The following ZAN variants were observed in gnomAD, a reference collection of about 807,000 sequenced individuals.
ZAN encodes zonadhesin, also known as zonadhesin (gene/pseudogene).
ZAN carries 260 observed loss-of-function variants against 286.2 expected under a neutral mutation model. That is an observed-to-expected ratio of 0.91 (90% CI 0.82 to 1.01). The LOEUF (loss-of-function observed/expected upper bound fraction) is 1.01. Ranked by LOEUF, ZAN falls within the 50% of genes least tolerant of loss-of-function variation. The pLI, the probability that ZAN is intolerant of heterozygous loss-of-function variation, is 0.00. For missense variants in ZAN, 3,410 were observed against 3,639.2 expected, an observed-to-expected ratio of 0.94 and a Z score of 1.62; for synonymous variants, 1,368 against 1,417.5, an observed-to-expected ratio of 0.97 and a Z score of 0.79.
chr7:100,780,832 G>A (rs866702480), intron 35 of ZAN, among the ~76,000 whole-genome samples: 30 of 151,552 alleles, frequency 2.0e-4, no homozygotes, highest in African/African-American at 5.1e-4. Context: ...ACTGACACCC[G>A]TAATCCAAGC....
At chr7:100,735,665 T>C in intron 2 of ZAN, 55 bp from the exon 3 acceptor site, 1 of 1,295,850 alleles carries the variant, frequency 7.7e-7, no homozygotes, top group Non-Finnish European at 1.1e-6. Context: ...CTGAATCTTA[T>C]AATTCTTGAT....
intron 36 of ZAN, among the ~76,000 whole-genome samples, chr7:100,785,726 T>C (rs1173242712): frequency 6.6e-6 from 1 of 151,554 alleles, no homozygotes; most frequent in Non-Finnish European, 1.5e-5. Context: ...TGGTGCGATC[T>C]TGGCTCACTG....
intron 23 of ZAN, 150 bp from the exon 24 acceptor site, chr7:100,766,375 C>G: frequency 9.7e-7 from 1 of 1,027,492 alleles, no homozygotes; most frequent in South Asian, 2.0e-5. Context: ...GCTTTTGCAG[C>G]GAATCTCGGA....
At chr7:100,768,487 G>C (rs1810157470) in intron 26 of ZAN, 123 bp from the exon 27 acceptor site, 3 of 818,868 alleles carry the variant, frequency 3.7e-6, no homozygotes, top group Non-Finnish European at 5.7e-6. Context: ...AGAAGAAAAA[G>C]AGACAGAAAG....
rs1811449006 is a variant in ZAN, at chr7:100,784,735, T to C, written c.6735T>C (p.Ala2245=). ...GCGCCAAAGTCCCCTCTGCCTGCGC[T>C]GAGGGCTGCATTTGTCAGCCCGGCT... ...CEGAKVPSAC[A]EGCICQPGYV... The change falls in exon 36 of 48, where the codon GCT becomes GCC. Residue 2245 remains alanine (A), a synonymous_variant. Coordinates refer to ENST00000613979, the MANE Select transcript of ZAN (RefSeq NM_003386.3). The C allele has an allele frequency of 3.1e-6, 5 of 1,613,890 alleles. No individual in the cohort carries two copies. The highest frequency in any genetic ancestry group is 4.2e-6 in the Non-Finnish European group (5 of 1,179,904).
At chr7:100,795,164 C>G (rs755867067) in intron 44 of ZAN, 32 bp from the exon 45 acceptor site, 3 of 1,591,538 alleles carry the variant, frequency 1.9e-6, no homozygotes, top group Admixed American at 1.7e-5. Context: ...CCTCCCAGGG[C>G]CCCCCTCCCA....
intron 23 of ZAN, among the ~76,000 whole-genome samples, chr7:100,765,839 G>C (rs1426507771): frequency 1.3e-5 from 2 of 151,952 alleles, no homozygotes; most frequent in Admixed American, 1.3e-4. Flanking sequence ...AGTAGAGACG[G>C]GGTAGGGGGC....
At chr7:100,775,192 C>A (rs913657489) in intron 31 of ZAN, 136 bp from the exon 32 acceptor site, 6 of 1,320,836 alleles carry the variant, frequency 4.5e-6, no homozygotes, top group African/African-American at 4.4e-5. Context: ...GGATTACAGG[C>A]ATGAGCCACT....
rs1403168785 is a variant in ZAN, at chr7:100,737,262, C to G, written c.526C>G (p.Leu176Val). The G allele has an allele frequency of 3.4e-6, 5 of 1,481,186 alleles. No homozygotes were observed. Among genetic ancestry groups the G allele is most frequent in the Non-Finnish European group, 4.6e-6 (5 of 1,083,934 alleles). The allele number at this position is 1,481,186 out of a possible 1,614,324, so 91.8% of individuals were successfully genotyped here. Reference protein sequence around the residue: ...VPAGFTLPTRLMFEGTRGSTA... With the variant: ...VPAGFTLPTRVMFEGTRGSTA... Reference sequence around the variant, plus strand: ...TTGGGGTCCCCTTATCCTCTTGCAGCTGATGTTTGAGGGAACACGGGGTAG... The same window carrying G: ...TTGGGGTCCCCTTATCCTCTTGCAGGTGATGTTTGAGGGAACACGGGGTAG... Residue 176 changes from leucine to valine, a missense_variant and splice_region_variant, in exon 6 of 48, where the codon CTG becomes GTG. By Grantham distance (32) the Leu-to-Val change is conservative. Around this residue, in one of 7 missense-constraint regions of ZAN, gnomAD observed 872 missense variants for 938.9 expected, o/e 0.93. Coordinates refer to ENST00000613979, the MANE Select transcript of ZAN (RefSeq NM_003386.3).
Position 100,753,207 on chromosome 7 carries a change from C to T in ZAN, c.3102C>T (p.Thr1034=), listed in dbSNP as rs1481787558. ...TGACCAGTGTGATTCTGGGCACTAC[C>T]ACAACCTCCAGATCCAGTACAGGTA... The part of the protein sequence containing the change: ...TPMTSVILGT[T]TTSRSSTERC... The change falls in exon 14 of 48, where the codon ACC becomes ACT. Residue 1034 remains threonine (T), a synonymous_variant. Coordinates refer to ENST00000613979, the MANE Select transcript of ZAN (RefSeq NM_003386.3). The T allele has an allele frequency of 8.7e-6, 14 of 1,602,124 alleles. No individual in the cohort carries two copies. The highest frequency in any genetic ancestry group is 1.2e-5 in the Non-Finnish European group (14 of 1,173,872).
intron 40 of ZAN, among the ~76,000 whole-genome samples, 170 bp downstream of exon 40, chr7:100,791,283 G>A (rs1221125198): frequency 1.3e-5 from 2 of 152,076 alleles, no homozygotes; most frequent in East Asian, 1.9e-4. Context: ...GGGGGCTCCC[G>A]CTCAATGGAA....
rs1238132362 is a variant in ZAN, at chr7:100,735,750, T to A, written c.84T>A (p.Val28=). 6.6e-7 allele frequency: 1 copy of A among 1,508,480 alleles called. No individual in the cohort carries two copies. The highest frequency in any genetic ancestry group is 1.8e-5 in the Admixed American group (1 of 55,256). The allele number at this position is 1,508,480 out of a possible 1,614,324, so 93.4% of individuals were successfully genotyped here. Residue 28 remains valine, a synonymous_variant, in exon 3 of 48, where the codon GTT becomes GTA. Transcript: ENST00000613979. ...RKEKPPDQKL[V]VRSSRDNYVL... ...AGAAGCCTCCGGACCAGAAGCTGGT[T>A]GTTCGCAGCTCTAGGGACAACTGTG...
intron 14 of ZAN, among the ~76,000 whole-genome samples, chr7:100,754,183 GCA>G (rs1808986372): frequency 6.6e-6 from 1 of 152,146 alleles, no homozygotes. Context: ...TTCTGGCCAG[GCA>G]CGGTGGCTCA....
At chr7:100,776,390 A>G (rs1211768726) in intron 33 of ZAN, 50 bp from the exon 34 acceptor site, 1 of 1,564,342 alleles carries the variant, frequency 6.4e-7, no homozygotes, top group Non-Finnish European at 8.7e-7. Flanking sequence ...GAAGGGAGAA[A>G]AACTGTTCTC....
Position 100,786,029 on chromosome 7 carries a change from G to T in ZAN, c.6867G>T (p.Thr2289=), listed in dbSNP as rs371369772. 1.2e-6 allele frequency: 2 copies of T among 1,613,824 alleles called. No individual in the cohort carries two copies. Among genetic ancestry groups the T allele is most frequent in the African/African-American group, 2.7e-5 (2 of 74,942 alleles). ...LGKSWVSSGC[T]EKCVCTGGAI... ...AGAGCTGGGTCTCCAGCGGTTGCAC[G>T]GAGAAGTGTGTCTGCACGGGAGGAG... is the stretch of plus-strand genomic sequence containing the variant. The change falls in exon 37 of 48, where the codon ACG becomes ACT. Residue 2289 remains threonine, a synonymous_variant. Transcript: ENST00000613979.
intron 6 of ZAN, among the ~76,000 whole-genome samples, chr7:100,737,728 GA>G (rs2115597259): frequency 7.3e-6 from 1 of 137,806 alleles, no homozygotes; most frequent in African/African-American, 2.6e-5. Flanking sequence ...AGAAGAATGA[GA>G]AAGGAGATGA....
At chr7:100,796,635 G>C (rs1812385692) in intron 45 of ZAN, among the ~76,000 whole-genome samples, 1 of 152,008 alleles carries the variant, frequency 6.6e-6, no homozygotes, top group Non-Finnish European at 1.5e-5. Flanking sequence ...AGGTTGGTCT[G>C]AAACTCCTGA....
At chr7:100,785,648 C>T (rs1481194086) in intron 36 of ZAN, among the ~76,000 whole-genome samples, 3 of 151,252 alleles carry the variant, frequency 2.0e-5, no homozygotes, top group African/African-American at 7.4e-5. Context: ...ACTGGCCCTC[C>T]CCTCTTCACT....
At position 100,764,087 on chromosome 7, in the gene ZAN, C is replaced by T. The variant is rs376999914; in HGVS notation, c.4158C>T (p.Cys1386=). ...SFFDSCMLDM[C]GFQGLQHLLC... ...TCGACAGCTGCATGCTTGATATGTG[C>T]GGATTCCAGGGGCTGCAGCACCTGC... The change falls in exon 22 of 48, where the codon TGC becomes TGT. Residue 1386 remains cysteine (C), a synonymous_variant. Transcript: ENST00000613979. 1.1e-5 allele frequency: 18 copies of T among 1,613,544 alleles called. No homozygotes were observed. Among genetic ancestry groups the T allele is most frequent in the Admixed American group, 5.0e-5 (3 of 59,942 alleles).
Sources: allele counts gnomAD v4.1 joint callset (sites outside exome capture counted in the v4.1 genomes callset), GRCh38; gene constraint gnomAD v4.1.1; regional missense constraint gnomAD v4.1.1; transcripts MANE v1.5; gene names NCBI Gene and HGNC (gene_info 2026-07-23, HGNC 2026-07-21).